Variants in KCNG3 observed in about 807,000 individuals in gnomAD.
KCNG3 encodes potassium voltage-gated channel modifier subfamily G member 3.
Under a neutral mutation model 29.0 loss-of-function variants are expected in KCNG3, and 15 were observed. The ratio of observed to expected loss-of-function variants is 0.52; its 90% CI spans 0.35 to 0.80. The LOEUF is 0.80. KCNG3 is among the 30% of genes least tolerant of loss of function. The probability of loss-of-function intolerance (pLI) is 0.01; values close to 1 mark genes in which losing one functional copy is unlikely to be tolerated. For missense variants in KCNG3, 512 were observed against 605.7 expected (o/e 0.85, Z 1.62); for synonymous variants, 322 against 248.9 (o/e 1.29, Z -2.76).
the KCNG3 span, among the ~76,000 whole-genome samples, chr2:42,406,345 G>A: frequency 6.6e-6 from 1 of 151,458 alleles, no homozygotes; most frequent in Admixed American, 6.6e-5. Context: ...TCAGCCTCTG[G>A]AGTAGCTAGA....
chr2:42,473,173 G>A (rs1673334339), intron 1 of KCNG3, among the ~76,000 whole-genome samples: 1 of 151,870 alleles, frequency 6.6e-6, no homozygotes, highest in Non-Finnish European at 1.5e-5. Context: ...TGAGATTACA[G>A]GTGTGAGCCA....
At chr2:42,407,912 A>G in the KCNG3 span, among the ~76,000 whole-genome samples, 2 of 151,704 alleles carry the variant, frequency 1.3e-5, no homozygotes, top group Admixed American at 6.6e-5. Context: ...GCATCCCTAC[A>G]CTCTTGGGGG....
the KCNG3 span, among the ~76,000 whole-genome samples, chr2:42,397,666 C>A: frequency 4.6e-5 from 7 of 152,192 alleles, no homozygotes; most frequent in African/African-American, 1.7e-4. Flanking sequence ...GGAGGAGGTA[C>A]ATTACAATGC....
chr2:42,472,106 A>G (rs1297074838), intron 1 of KCNG3, among the ~76,000 whole-genome samples: 1 of 152,038 alleles, frequency 6.6e-6, no homozygotes, highest in Non-Finnish European at 1.5e-5. Flanking sequence ...CAATACAGCA[A>G]CTCCAATCCT....
chr2:42,397,205 T>G, the KCNG3 span, among the ~76,000 whole-genome samples: 1 of 150,474 alleles, frequency 6.6e-6, no homozygotes, highest in East Asian at 2.0e-4. Flanking sequence ...GATCGCACCA[T>G]TGCACTCCAG....
intron 1 of KCNG3, among the ~76,000 whole-genome samples, chr2:42,472,933 G>A (rs1329430378): frequency 3.2e-5 from 4 of 126,574 alleles, no homozygotes; most frequent in East Asian, 2.3e-4. Flanking sequence ...ACAGAGTCTC[G>A]CTCTGTTGCC....
chr2:42,485,992 A>G (rs904493673), intron 1 of KCNG3, among the ~76,000 whole-genome samples: 2 of 152,252 alleles, frequency 1.3e-5, no homozygotes, highest in African/African-American at 4.8e-5. Flanking sequence ...AACAGGTGAG[A>G]CAGTCCTCTC....
rs942535298 is a variant in KCNG3 at position 42,443,901 on chromosome 2, A to G, written c.*33T>C. ...TATGAAGCAGCATCAAAGTCTTTCTATGAAGTGTATGCAAGAATTGATTTG... is the reference window on the plus strand; with the variant it reads ...TATGAAGCAGCATCAAAGTCTTTCTGTGAAGTGTATGCAAGAATTGATTTG... On this transcript the variant is annotated 3_prime_UTR_variant, in exon 2 of 2. Coordinates refer to ENST00000306078, the MANE Select transcript of KCNG3 (RefSeq NM_133329.6). 19 of 1,561,730 alleles carry G rather than the reference A, an allele frequency of 1.2e-5. No homozygotes were observed. The highest frequency in any genetic ancestry group is 1.6e-5 in the Non-Finnish European group (19 of 1,152,302).
intron 1 of KCNG3, among the ~76,000 whole-genome samples, chr2:42,471,190 A>G (rs201792345): frequency 0.012 from 978 of 79,714 alleles, 8 homozygotes; most frequent in East Asian, 0.018. Flanking sequence ...GTGTGTATAT[A>G]TATATATATA....
In KCNG3 at chr2:42,470,125, T is replaced by C. The variant is rs925754133; in HGVS notation, c.665+22712A>G. The C allele has an allele frequency of 2.4e-5, 11 of 450,474 alleles. 1 individual carries two copies. Among genetic ancestry groups the C allele is most frequent in the South Asian group, 5.9e-5 (2 of 33,864 alleles). The allele number at this position is 450,474 out of a possible 1,614,324, so 27.9% of individuals were successfully genotyped here. Reference sequence around the variant, plus strand: ...CTGTTCAAAAGCATCTTGAGAGGAATAGAAAGGATAAGGATGCTAAATTCT... The same window carrying C: ...CTGTTCAAAAGCATCTTGAGAGGAACAGAAAGGATAAGGATGCTAAATTCT... On this transcript the variant is annotated intron_variant, in intron 1 of 1. Coordinates refer to ENST00000306078, the MANE Select transcript of KCNG3 (RefSeq NM_133329.6).
chr2:42,444,588 A>G lies in KCNG3; in HGVS notation c.666-9T>C, dbSNP rs756743694. Reference sequence around the variant, plus strand: ...AGATAGCTTCAATTATCCTGTCAAGAGAACAAAAGAAGAATTGATCATTTT... The same window carrying G: ...AGATAGCTTCAATTATCCTGTCAAGGGAACAAAAGAAGAATTGATCATTTT... On this transcript the variant is annotated splice_polypyrimidine_tract_variant and intron_variant, in intron 1 of 1. Coordinates refer to ENST00000306078, the MANE Select transcript of KCNG3 (RefSeq NM_133329.6). The surrounding 1 kb of genome is among the most constrained non-coding windows in gnomAD (Gnocchi z 5.8). 1.1e-5 allele frequency: 17 copies of G among 1,587,542 alleles called. No individual in the cohort carries two copies. In the South Asian group the frequency reaches 1.4e-4, roughly 13 times the overall value.
intron 1 of KCNG3, among the ~76,000 whole-genome samples, chr2:42,471,155 A>AGTTGT (rs1553329807): frequency 7.3e-6 from 1 of 137,666 alleles, no homozygotes; most frequent in Non-Finnish European, 1.5e-5. Flanking sequence ...GTCTCAAAAA[A>AGTTGT]GTGTGTGTGT....
At chr2:42,441,988 C>G (rs1558371395), downstream of KCNG3, 1 of 151,818 alleles carries the variant, frequency 6.6e-6, no homozygotes, top group Non-Finnish European at 1.5e-5. Context: ...AGGACATATT[C>G]ACATAAAGCG....
chr2:42,393,785 CCT>C, the KCNG3 span, among the ~76,000 whole-genome samples: 2 of 151,858 alleles, frequency 1.3e-5, no homozygotes, highest in African/African-American at 4.8e-5. Context: ...TAAACTTCCC[CCT>C]TTTTTTTTCT....
At chr2:42,466,243 C>T (rs1558381776) in intron 1 of KCNG3, among the ~76,000 whole-genome samples, 1 of 151,926 alleles carries the variant, frequency 6.6e-6, no homozygotes, top group Non-Finnish European at 1.5e-5. Context: ...CTGTCTCTAA[C>T]AAAAATACAA....
chr2:42,486,824 G>C (rs62144792), intron 1 of KCNG3, among the ~76,000 whole-genome samples: 5,149 of 152,246 alleles, frequency 0.034, 112 homozygotes, highest in Non-Finnish European at 0.053. Flanking sequence ...CACAGCGCCT[G>C]GCACAATCAC....
At chr2:42,425,647 C>A in the KCNG3 span, among the ~76,000 whole-genome samples, 1 of 152,122 alleles carries the variant, frequency 6.6e-6, no homozygotes, top group South Asian at 2.1e-4. Flanking sequence ...ACATGTACTA[C>A]GTGCCTATAG....
At chr2:42,430,504 C>CT in the KCNG3 span, among the ~76,000 whole-genome samples, 1 of 151,062 alleles carries the variant, frequency 6.6e-6, no homozygotes, top group Non-Finnish European at 1.5e-5. Flanking sequence ...AATCCCAGCA[C>CT]TTTGAGATGC....
the KCNG3 span, among the ~76,000 whole-genome samples, chr2:42,390,151 T>C: frequency 6.6e-6 from 1 of 152,178 alleles, no homozygotes. Context: ...AGCACCAAAA[T>C]TGGATTTTGC....
Sources: allele counts gnomAD v4.1 joint callset (sites outside exome capture counted in the v4.1 genomes callset), GRCh38; gene constraint gnomAD v4.1.1; non-coding constraint Gnocchi (gnomAD v3.1); transcripts MANE v1.5; gene names NCBI Gene and HGNC (gene_info 2026-07-23, HGNC 2026-07-21).